DENND2B: variants seen among roughly 807,000 people sequenced by gnomAD.
The protein encoded by DENND2B is DENN domain containing 2B.
A neutral mutation model predicts 116.0 loss-of-function variants in DENND2B; 32 were observed. The observed-to-expected ratio is 0.28, with a 90% CI of 0.21 to 0.37. The LOEUF is 0.37. Among genes scored for constraint, DENND2B ranks in the 10% least tolerant of loss-of-function variants. DENND2B has a pLI of 1.00. For missense variants in DENND2B, 1,276 were observed against 1,477.7 expected (o/e 0.86, Z 2.24); for synonymous variants, 588 against 583.9 (o/e 1.01, Z -0.10).
At chr11:8,708,066 A>T in intron 11 of DENND2B, 1 of 1,480,226 alleles carries the variant, frequency 6.8e-7, no homozygotes, top group Non-Finnish European at 9.0e-7. Context: ...GTCTCCCAGC[A>T]CCAGGTACCA....
chr11:8,716,081 T>C (rs2044706505), intron 5 of DENND2B, among the ~76,000 whole-genome samples: 1 of 152,186 alleles, frequency 6.6e-6, no homozygotes, highest in Non-Finnish European at 1.5e-5. Context: ...TGTGCTCTCA[T>C]CTGAGTGGAA....
chr11:8,824,440 G>A (rs1345798594), intron 4 of DENND2B, among the ~76,000 whole-genome samples: 2 of 152,148 alleles, frequency 1.3e-5, no homozygotes, highest in Non-Finnish European at 2.9e-5. Context: ...TTATAAGTGA[G>A]AACATGCGGT....
At chr11:8,905,206 T>C (rs368378712) in intron 1 of DENND2B, among the ~76,000 whole-genome samples, 3 of 152,250 alleles carry the variant, frequency 2.0e-5, no homozygotes, top group East Asian at 1.9e-4. Context: ...TATAGATCAA[T>C]AGAACATAAT....
intron 3 of DENND2B, among the ~76,000 whole-genome samples, chr11:8,849,050 GA>G (rs1298701566): frequency 1.4e-5 from 2 of 142,574 alleles, no homozygotes; most frequent in Non-Finnish European, 3.1e-5. Flanking sequence ...CGGGGTGGAT[GA>G]AAATGATGTA....
Position 8,763,505 on chromosome 11 carries a change from G to A in DENND2B, c.-25-12780C>T, listed in dbSNP as rs376477552. Among the ~76,000 whole-genome samples the A allele has an allele frequency of 3.8e-4, 57 of 151,884 alleles. 1 individual carries two copies. The South Asian group carries it at 0.012, about 32-fold the overall frequency. On this transcript the variant is annotated intron_variant, in intron 1 of 19. Coordinates refer to ENST00000313726, the MANE Select transcript of DENND2B (RefSeq NM_213618.2). Reference sequence around the variant, plus strand: ...ATTCAAATGCTCATAATCAGAAGAAGAGAAGGCAAATTTTGGTATTTTACA... The same window carrying A: ...ATTCAAATGCTCATAATCAGAAGAAAAGAAGGCAAATTTTGGTATTTTACA...
intron 1 of DENND2B, among the ~76,000 whole-genome samples, chr11:8,898,473 C>T (rs1284454077): frequency 6.6e-6 from 1 of 152,166 alleles, no homozygotes; most frequent in Non-Finnish European, 1.5e-5. Context: ...ACTACAGAAT[C>T]AACCCCGTTA....
chr11:8,768,188 C>T (rs888712728), intron 1 of DENND2B, among the ~76,000 whole-genome samples: 1 of 151,804 alleles, frequency 6.6e-6, no homozygotes, highest in African/African-American at 2.4e-5. Flanking sequence ...TCTGTATGGC[C>T]CAGTTAGGTA....
chr11:8,731,727 C>T (rs1330941457), intron 2 of DENND2B, among the ~76,000 whole-genome samples: 1 of 152,204 alleles, frequency 6.6e-6, no homozygotes, highest in East Asian at 1.9e-4. Context: ...CAAAACCAAA[C>T]AAGTCTGAAC....
Position 8,836,413 on chromosome 11 carries a change from CTTTTTTTTTTTTT to C in DENND2B, c.-115+2884_-115+2896del, listed in dbSNP as rs67181023. Among the ~76,000 whole-genome samples, 393 of 77,572 alleles carry C rather than the reference CTTTTTTTTTTTTT, an allele frequency of 5.1e-3. 3 individuals carry two copies. Among genetic ancestry groups the C allele is most frequent in the African/African-American group, 0.016 (380 of 23,294 alleles). The allele number at this position is 77,572 out of a possible 152,430, so 50.9% of individuals were successfully genotyped here. ...CAAAGACAAGCATCCTTCTGTACTT[CTTTTTTTTTTTTT>C]TTTTTTTTTTTCTGAGACGGAGTCT... On this transcript the variant is annotated intron_variant, in intron 4 of 6. Transcript: ENST00000524757.
chr11:8,864,825 C>CA (rs2063522486), intron 2 of DENND2B, among the ~76,000 whole-genome samples: 1 of 152,146 alleles, frequency 6.6e-6, no homozygotes, highest in Admixed American at 6.5e-5. Context: ...CTTTTTACCC[C>CA]ACTCTAGTTA....
At chr11:8,802,294 G>A (rs1205990666) in intron 1 of DENND2B, among the ~76,000 whole-genome samples, 2 of 104,200 alleles carry the variant, frequency 1.9e-5, no homozygotes, top group Non-Finnish European at 4.0e-5. Flanking sequence ...GTGAGACTCT[G>A]TCTGGAAAAA....
At position 8,705,982 on chromosome 11, in the gene DENND2B, C is replaced by T. The variant is rs78307392; in HGVS notation, c.2571+1103G>A. Among the ~76,000 whole-genome samples, 250 of 152,340 alleles carry T rather than the reference C, an allele frequency of 1.6e-3. 5 individuals are homozygous for T. In the East Asian group the frequency reaches 0.044, roughly 27 times the overall value. On this transcript the variant is annotated intron_variant, in intron 13 of 19. Transcript: ENST00000313726. The stretch of plus-strand genomic sequence containing the variant: ...GTATCAGCTGGCCACAGGTGGCTCA[C>T]GCCTGTAGTCCCTACAGTTTGGGAG...
chr11:8,904,157 AAT>A (rs759134999), intron 1 of DENND2B, among the ~76,000 whole-genome samples: 5 of 152,144 alleles, frequency 3.3e-5, no homozygotes. Flanking sequence ...ATCCCTCATG[AAT>A]ATACACAGAA....
chr11:8,695,595 A>C, intron 18 of DENND2B, 46 bp from the exon 19 acceptor site: 5 of 1,577,248 alleles, frequency 3.2e-6, no homozygotes, highest in Non-Finnish European at 4.4e-6. Flanking sequence ...TCATTGGAGG[A>C]AGGGAAGGAG....
upstream of DENND2B, among the ~76,000 whole-genome samples, chr11:8,875,764 G>A (rs537135942): frequency 1.3e-4 from 20 of 152,034 alleles, no homozygotes; most frequent in African/African-American, 4.8e-4. Context: ...TTATATGTAG[G>A]TAAGATATAC....
chr11:8,870,978 G>T (rs2063764218), exon 2 of DENND2B: 1 of 152,072 alleles, frequency 6.6e-6, no homozygotes, highest in Non-Finnish European at 1.5e-5. Context: ...GCCGGGCCGG[G>T]CGCGGCGCCT....
At chr11:8,719,574 T>C (rs2045772339) in intron 4 of DENND2B, among the ~76,000 whole-genome samples, 2 of 152,234 alleles carry the variant, frequency 1.3e-5, no homozygotes, top group Admixed American at 6.5e-5. Context: ...AGCAGCCCTG[T>C]CGCAAGAAGC....
At chr11:8,751,629 C>A (rs573228514) in intron 1 of DENND2B, among the ~76,000 whole-genome samples, 3 of 152,092 alleles carry the variant, frequency 2.0e-5, no homozygotes, top group African/African-American at 4.8e-5. Context: ...TACAGACATG[C>A]GGCCTTTAAG....
rs138362546 is a variant in DENND2B, at chr11:8,855,920, T to C, written c.-156+1423A>G. On this transcript the variant is annotated intron_variant, in intron 3 of 6. Transcript: ENST00000524757. ...CCCAGCAAACTAGACAGCTGCCAGA[T>C]CTACCTGGTAAATTCCAGTCAACCA... 5.8e-4 allele frequency among the ~76,000 whole-genome samples: 88 copies of C among 152,312 alleles called. 1 individual carries two copies. In the East Asian group the frequency reaches 0.011, roughly 19 times the overall value.
Sources: allele counts gnomAD v4.1 joint callset (sites outside exome capture counted in the v4.1 genomes callset), GRCh38; gene constraint gnomAD v4.1.1; transcripts MANE v1.5; gene names NCBI Gene and HGNC (gene_info 2026-07-23, HGNC 2026-07-21).